The following IMPG1 variants were observed in gnomAD, a reference collection of about 807,000 sequenced individuals.
The protein encoded by IMPG1 is interphotoreceptor matrix proteoglycan 1.
A neutral mutation model predicts 92.0 loss-of-function variants in IMPG1; 85 were observed. That is an observed-to-expected ratio of 0.92 (90% CI 0.78 to 1.11). The LOEUF (loss-of-function observed/expected upper bound fraction) is 1.11. Ranked by LOEUF, IMPG1 falls within the 50% of genes least tolerant of loss-of-function variation. IMPG1 has a pLI of 0.00. For synonymous variants in IMPG1, 367 were observed against 334.1 expected (o/e 1.10, Z -1.08); for missense variants, 1,022 against 956.0 (o/e 1.07, Z -0.91).
chr6:75,937,991 G>A (rs72674549), intron 14 of IMPG1, among the ~76,000 whole-genome samples: 24,258 of 152,216 alleles, frequency 0.16, 2,062 homozygotes, highest in East Asian at 0.27. Flanking sequence ...AATGAAAGAC[G>A]ACTCTAGTTG....
At chr6:76,037,541 T>C (rs1783761897) in intron 2 of IMPG1, among the ~76,000 whole-genome samples, 1 of 152,226 alleles carries the variant, frequency 6.6e-6, no homozygotes, top group African/African-American at 2.4e-5. Context: ...AAGCCGTCTC[T>C]GACCCTTCAT....
chr6:75,949,762 A>G (rs988929136), intron 13 of IMPG1, among the ~76,000 whole-genome samples: 6 of 152,286 alleles, frequency 3.9e-5, no homozygotes, highest in Non-Finnish European at 7.3e-5. Context: ...TAGCCCAGAT[A>G]AAGTCTTACT....
intron 4 of IMPG1, among the ~76,000 whole-genome samples, chr6:76,031,642 T>G (rs750017594): frequency 6.6e-6 from 1 of 152,264 alleles, no homozygotes; most frequent in South Asian, 2.1e-4. Flanking sequence ...ACAACTCTCG[T>G]TATATCAAAT....
chr6:76,054,105 C>A (rs1784083493), intron 1 of IMPG1, among the ~76,000 whole-genome samples: 1 of 152,110 alleles, frequency 6.6e-6, no homozygotes, highest in Admixed American at 6.6e-5. Context: ...TAATTAATTT[C>A]TATTTGCTCT....
chr6:76,011,907 A>T (rs1485163703), intron 7 of IMPG1, among the ~76,000 whole-genome samples: 1 of 152,056 alleles, frequency 6.6e-6, no homozygotes, highest in Non-Finnish European at 1.5e-5. Flanking sequence ...CCTACAAAGG[A>T]CATGAAAACT....
chr6:76,030,280 T>A (rs902415060), intron 4 of IMPG1, among the ~76,000 whole-genome samples: 2 of 152,024 alleles, frequency 1.3e-5, no homozygotes, highest in African/African-American at 4.8e-5. Context: ...GTCACTGGGA[T>A]TCGGGGATGC....
intron 12 of IMPG1, among the ~76,000 whole-genome samples, chr6:75,981,122 TC>T (rs1470458813): frequency 6.6e-6 from 1 of 152,210 alleles, no homozygotes; most frequent in African/African-American, 2.4e-5. Context: ...ACAGCATTTT[TC>T]TTCTGCCCTC....
At chr6:76,010,331 C>T (rs1437477825) in intron 8 of IMPG1, among the ~76,000 whole-genome samples, 1 of 152,182 alleles carries the variant, frequency 6.6e-6, no homozygotes, top group African/African-American at 2.4e-5. Flanking sequence ...CATACCAGGG[C>T]TGATATTTAC....
At chr6:75,967,316 A>G (rs1782323634) in intron 12 of IMPG1, among the ~76,000 whole-genome samples, 1 of 152,154 alleles carries the variant, frequency 6.6e-6, no homozygotes, top group Non-Finnish European at 1.5e-5. Context: ...CTAACCCCCA[A>G]GATTATGATT....
At chr6:75,961,083 C>A (rs529303033) in intron 12 of IMPG1, among the ~76,000 whole-genome samples, 1 of 152,222 alleles carries the variant, frequency 6.6e-6, no homozygotes, top group African/African-American at 2.4e-5. Flanking sequence ...GTGGGAGATG[C>A]CAGAAGCCCC....
intron 14 of IMPG1, among the ~76,000 whole-genome samples, chr6:75,931,968 G>C (rs1285284317): frequency 6.6e-6 from 1 of 152,200 alleles, no homozygotes; most frequent in Non-Finnish European, 1.5e-5. Flanking sequence ...GAGTCCTCAA[G>C]GGCTGATGGC....
chr6:75,944,226 C>T (rs141000585), intron 14 of IMPG1, among the ~76,000 whole-genome samples: 1 of 152,200 alleles, frequency 6.6e-6, no homozygotes, highest in Non-Finnish European at 1.5e-5. Context: ...CCCCTCTATT[C>T]CTTGCCTGCT....
At chr6:76,028,383 C>T (rs1183108448) in intron 4 of IMPG1, among the ~76,000 whole-genome samples, 1 of 152,188 alleles carries the variant, frequency 6.6e-6, no homozygotes, top group African/African-American at 2.4e-5. Context: ...TCATGAGGAG[C>T]TGAAATGCTC....
intron 12 of IMPG1, among the ~76,000 whole-genome samples, chr6:75,981,336 A>T (rs1313152917): frequency 6.6e-6 from 1 of 152,214 alleles, no homozygotes; most frequent in Admixed American, 6.5e-5. Context: ...TTGAACTCCG[A>T]TGAGTAAAAA....
intron 12 of IMPG1, among the ~76,000 whole-genome samples, chr6:75,970,361 C>G (rs943465156): frequency 2.6e-5 from 4 of 151,652 alleles, no homozygotes; most frequent in African/African-American, 9.7e-5. Context: ...CTGCATTTCC[C>G]TTCTTAAAGC....
Position 76,003,916 on chromosome 6 carries a change from G to T in IMPG1, c.1170C>A (p.Asp390Glu), listed in dbSNP as rs1228477654. ...IAGSLPAFGP[D>E]TQSELPTSFA... is the part of the protein sequence containing the mutation. ...AAGATGTGGGCAGCTCTGATTGGGT[G>T]TCAGGACCAAAGGCTGGCAGTGATC... Residue 390 changes from aspartate (D) to glutamate (E), a missense_variant, in exon 11 of 17, where the codon GAC (aspartate) becomes GAA (glutamate). Physicochemically the swap from Asp to Glu is conservative, Grantham distance 45. Transcript: ENST00000369950. 2 of 1,613,222 alleles carry T rather than the reference G, an allele frequency of 1.2e-6. No individual in the cohort carries two copies. The highest frequency in any genetic ancestry group is 1.3e-5 in the African/African-American group (1 of 74,856).
chr6:76,053,772 T>C (rs1262268425), intron 1 of IMPG1, among the ~76,000 whole-genome samples: 1 of 152,188 alleles, frequency 6.6e-6, no homozygotes, highest in Non-Finnish European at 1.5e-5. Flanking sequence ...TCCATGATTA[T>C]AATTTTACAA....
chr6:75,931,211 G>A, intron 14 of IMPG1, 60 bp from the exon 15 acceptor site: 2 of 1,483,232 alleles, frequency 1.3e-6, no homozygotes, highest in Non-Finnish European at 1.8e-6. Flanking sequence ...GGAACTGGCA[G>A]CAGTCAAAGG....
At chr6:76,038,674 G>T (rs1390086004) in intron 2 of IMPG1, among the ~76,000 whole-genome samples, 2 of 152,194 alleles carry the variant, frequency 1.3e-5, no homozygotes, top group Non-Finnish European at 1.5e-5. Context: ...CTTTGAACCT[G>T]CTGGGAGGGA....
Sources: gnomAD v4.1 joint callset for allele counts (sites outside exome capture counted in the v4.1 genomes callset) on GRCh38, gnomAD v4.1.1 for gene constraint, MANE v1.5 for transcripts, NCBI Gene and HGNC (gene_info 2026-07-23, HGNC 2026-07-21) for gene names.